Variants in SLC44A1 observed in about 807,000 individuals in gnomAD.
The protein encoded by SLC44A1 is choline transporter-like protein 1.
Under a neutral mutation model 79.3 loss-of-function variants are expected in SLC44A1, and 26 were observed. That is an observed-to-expected ratio of 0.33 (90% CI 0.24 to 0.46). SLC44A1 has a LOEUF of 0.46. SLC44A1 is among the 20% of genes least tolerant of loss of function. The pLI is 1.00. For synonymous variants in SLC44A1, 263 were observed against 286.2 expected (o/e 0.92, Z 0.82); for missense variants, 688 against 798.1 (o/e 0.86, Z 1.66).
chr9:105,359,561 T>TA (rs1564457363), intron 7 of SLC44A1, among the ~76,000 whole-genome samples: 1 of 152,208 alleles, frequency 6.6e-6, no homozygotes, highest in Non-Finnish European at 1.5e-5. Context: ...CAGTTCCTAA[T>TA]ACAAATTTAA....
chr9:105,258,745 C>G (rs552964502), intron 1 of SLC44A1, among the ~76,000 whole-genome samples: 1 of 151,970 alleles, frequency 6.6e-6, no homozygotes, highest in African/African-American at 2.4e-5. Context: ...TGGAGTGCAG[C>G]GGCGCAGTCT....
At chr9:105,302,205 A>G (rs1830898129) in intron 2 of SLC44A1, among the ~76,000 whole-genome samples, 1 of 152,130 alleles carries the variant, frequency 6.6e-6, no homozygotes, top group African/African-American at 2.4e-5. Flanking sequence ...ATTACTGGGC[A>G]TATACTTAAC....
At chr9:105,358,066 G>A (rs943179493) in intron 6 of SLC44A1, among the ~76,000 whole-genome samples, 1 of 152,192 alleles carries the variant, frequency 6.6e-6, no homozygotes, top group Non-Finnish European at 1.5e-5. Flanking sequence ...ATCCACAACA[G>A]TCTTGTGCTG....
intron 3 of SLC44A1, among the ~76,000 whole-genome samples, chr9:105,327,610 C>T (rs1826620138): frequency 1.3e-5 from 2 of 152,148 alleles, no homozygotes; most frequent in South Asian, 4.1e-4. Context: ...CTTGCCTGTC[C>T]AGCCGTCTAT....
At chr9:105,297,025 A>G (rs1303233905) in intron 1 of SLC44A1, among the ~76,000 whole-genome samples, 6 of 152,188 alleles carry the variant, frequency 3.9e-5, no homozygotes, top group African/African-American at 1.4e-4. Context: ...CTCTTACGCC[A>G]CAATGCTACA....
intron 4 of SLC44A1, among the ~76,000 whole-genome samples, chr9:105,344,484 C>T (rs1827188149): frequency 6.6e-6 from 1 of 152,038 alleles, no homozygotes; most frequent in South Asian, 2.1e-4. Flanking sequence ...CAGGACAGCC[C>T]CCTACAACCA....
At chr9:105,265,466 C>T (rs1476709982) in intron 1 of SLC44A1, among the ~76,000 whole-genome samples, 1 of 152,174 alleles carries the variant, frequency 6.6e-6, no homozygotes, top group Non-Finnish European at 1.5e-5. Context: ...TTGCATGCAT[C>T]AATAGTTTGT....
intron 13 of SLC44A1, among the ~76,000 whole-genome samples, chr9:105,378,945 T>C (rs1372726236): frequency 2.0e-5 from 3 of 152,132 alleles, no homozygotes; most frequent in Non-Finnish European, 2.9e-5. Context: ...AGCGAAAAAA[T>C]CTAATCCCAG....
chr9:105,435,667 G>A (rs1022412465), intron 15 of SLC44A1, among the ~76,000 whole-genome samples: 1 of 152,156 alleles, frequency 6.6e-6, no homozygotes, highest in African/African-American at 2.4e-5. Flanking sequence ...GACTCCAGGA[G>A]GCCTGTATGT....
chr9:105,245,599 G>A (rs554526762), intron 1 of SLC44A1, among the ~76,000 whole-genome samples: 1 of 152,218 alleles, frequency 6.6e-6, no homozygotes, highest in Non-Finnish European at 1.5e-5. Flanking sequence ...ACTCTGGGCT[G>A]GGAAGGAGAT....
chr9:105,300,709 CTTAGT>C (rs979535507), intron 2 of SLC44A1, among the ~76,000 whole-genome samples: 19 of 152,016 alleles, frequency 1.2e-4, no homozygotes, highest in Admixed American at 1.0e-3. Flanking sequence ...CAAAAGTTTA[CTTAGT>C]TTAATGGAAT....
At chr9:105,288,143 A>G (rs1157826158) in intron 1 of SLC44A1, among the ~76,000 whole-genome samples, 1 of 152,220 alleles carries the variant, frequency 6.6e-6, no homozygotes, top group African/African-American at 2.4e-5. Context: ...TAATCAGAGC[A>G]TAGATGCAAT....
intron 1 of SLC44A1, among the ~76,000 whole-genome samples, chr9:105,258,872 GT>G (rs772717856): frequency 6.4e-4 from 90 of 139,944 alleles, no homozygotes; most frequent in Admixed American, 7.1e-4. Context: ...TTTTGTTTTT[GT>G]TTTTTTTTTT....
Position 105,393,063 on chromosome 9 carries a change from TAC to T in SLC44A1, c.*4008_*4009del. ...CTTTTCATACATTCCATCTGACACA[TAC>T]GAGTGCACTATAATGGCTTGCCTAG... On this transcript the variant is annotated 3_prime_UTR_variant, in exon 16 of 16. Coordinates refer to ENST00000374720, the MANE Select transcript of SLC44A1 (RefSeq NM_080546.5). 1 of 985,296 alleles carries T rather than the reference TAC, an allele frequency of 1.0e-6. No homozygotes were observed. The highest frequency in any genetic ancestry group is 1.2e-6 in the Non-Finnish European group (1 of 829,794). 61.0% of individuals were successfully genotyped at this position (985,296 alleles called of 1,614,324 possible). A position where few individuals can be genotyped will look rare whatever the true frequency, so the allele number is the denominator to read the frequency against.
At chr9:105,364,794 T>A in intron 10 of SLC44A1, 74 bp downstream of exon 10, 676 of 1,013,368 alleles carry the variant, frequency 6.7e-4, no homozygotes, top group Non-Finnish European at 9.2e-4. Flanking sequence ...GGGAAGGGAA[T>A]CAGACTGGGG....
chr9:105,357,692 C>T (rs2131401751), intron 6 of SLC44A1, among the ~76,000 whole-genome samples: 1 of 152,268 alleles, frequency 6.6e-6, no homozygotes, highest in South Asian at 2.1e-4. Context: ...ATAACTCAAA[C>T]AGCTTTGCTC....
chr9:105,336,136 G>A (rs1335674769), intron 4 of SLC44A1, among the ~76,000 whole-genome samples: 3 of 143,400 alleles, frequency 2.1e-5, no homozygotes, highest in East Asian at 2.0e-4. Flanking sequence ...GTGTGTGCAT[G>A]TGTGTGTGTG....
intron 4 of SLC44A1, among the ~76,000 whole-genome samples, chr9:105,344,751 A>G (rs556963048): frequency 5.9e-5 from 9 of 152,166 alleles, no homozygotes; most frequent in Non-Finnish European, 8.8e-5. Context: ...TCGAGTTCTC[A>G]AAGAGTTTGC....
rs1440085140 is a variant in SLC44A1 at position 105,404,131 on chromosome 9, G to A, written c.1950+18629G>A. Among the ~76,000 whole-genome samples, 4 of 149,342 alleles carry A rather than the reference G, an allele frequency of 2.7e-5. No homozygotes were observed. The East Asian group carries it at 7.9e-4, about 30-fold the overall frequency. On this transcript the variant is annotated intron_variant, in intron 15 of 15. Transcript: ENST00000374724. ...CTAGGGCACTAGCAATAAGAATGGA[G>A]AGAAAAGGCAGGAGAATCGCTTGAA... is the stretch of plus-strand genomic sequence containing the variant.
Sources: allele counts gnomAD v4.1 joint callset (sites outside exome capture counted in the v4.1 genomes callset), GRCh38; gene constraint gnomAD v4.1.1; transcripts MANE v1.5; gene names NCBI Gene and HGNC (gene_info 2026-07-23, HGNC 2026-07-21).